Variants in SNAP91 observed in about 807,000 individuals in gnomAD.
SNAP91 encodes synaptosome associated protein 91.
SNAP91 carries 27 observed loss-of-function variants against 100.3 expected under a neutral mutation model. The observed-to-expected ratio is 0.27, with a 90% confidence interval of 0.20 to 0.37. The LOEUF (loss-of-function observed/expected upper bound fraction) is 0.37. Ranked by LOEUF, SNAP91 falls within the 10% of genes least tolerant of loss-of-function variation. SNAP91 has a pLI of 1.00. For missense variants in SNAP91, 986 were observed against 1,123.7 expected (o/e 0.88, Z 1.75); for synonymous variants, 404 against 398.6 (o/e 1.01, Z -0.16).
At chr6:83,668,572 T>C (rs1374832151) in intron 2 of SNAP91, among the ~76,000 whole-genome samples, 3 of 151,734 alleles carry the variant, frequency 2.0e-5, no homozygotes, top group African/African-American at 4.8e-5. Flanking sequence ...CAGCAAACTA[T>C]CGCAAGAACA....
intron 25 of SNAP91, 76 bp from the exon 26 acceptor site, chr6:83,575,197 A>C: frequency 9.9e-7 from 1 of 1,005,508 alleles, no homozygotes; most frequent in Non-Finnish European, 1.5e-6. Flanking sequence ...GGCTCCTTAG[A>C]TTATTTTATT....
chr6:83,707,746 T>TC, intron 2 of SNAP91, 52 bp downstream of exon 2: 2 of 1,604,254 alleles, frequency 1.2e-6, no homozygotes, highest in Non-Finnish European at 1.7e-6. Flanking sequence ...ACCACCAGCA[T>TC]CCCAGGCGCC....
chr6:83,588,202 A>T (rs933523020), intron 22 of SNAP91, among the ~76,000 whole-genome samples: 1 of 152,222 alleles, frequency 6.6e-6, no homozygotes, highest in Non-Finnish European at 1.5e-5. Context: ...ATATGTATAC[A>T]TTAAATTACA....
At chr6:83,700,258 C>T (rs1391753808) in intron 2 of SNAP91, among the ~76,000 whole-genome samples, 3 of 151,884 alleles carry the variant, frequency 2.0e-5, no homozygotes, top group Non-Finnish European at 4.4e-5. Flanking sequence ...ATATGCCTTC[C>T]AAACTACAGA....
At chr6:83,619,372 T>C (rs938650020) in intron 9 of SNAP91, among the ~76,000 whole-genome samples, 7 of 152,238 alleles carry the variant, frequency 4.6e-5, no homozygotes, top group Non-Finnish European at 7.4e-5. Flanking sequence ...ACTGCATCTA[T>C]GGCAGTGAGG....
intron 22 of SNAP91, among the ~76,000 whole-genome samples, chr6:83,590,457 T>A (rs1396773959): frequency 6.6e-6 from 1 of 152,028 alleles, no homozygotes; most frequent in Admixed American, 6.6e-5. Context: ...CAAGCAGTAA[T>A]CCAAGGCAAA....
chr6:83,645,251 T>C (rs543546493), intron 7 of SNAP91, among the ~76,000 whole-genome samples: 1 of 152,180 alleles, frequency 6.6e-6, no homozygotes, highest in Non-Finnish European at 1.5e-5. Context: ...CCTGACTTTT[T>C]TTTTTTTAGA....
chr6:83,661,010 G>A (rs544411779), intron 5 of SNAP91, among the ~76,000 whole-genome samples: 4 of 151,922 alleles, frequency 2.6e-5, no homozygotes, highest in African/African-American at 7.2e-5. Flanking sequence ...TAACTCCTAC[G>A]TTGCCCAGGC....
rs1053129756 is a variant in SNAP91, at chr6:83,662,342, C to T, written c.349+5G>A. The T allele has an allele frequency of 1.5e-6, 2 of 1,365,686 alleles. No individual in the cohort carries two copies. Among genetic ancestry groups the T allele is most frequent in the Non-Finnish European group, 1.9e-6 (2 of 1,027,768 alleles). The allele number at this position is 1,365,686 out of a possible 1,614,324, so 84.6% of individuals were successfully genotyped here. On this transcript the variant is annotated splice_donor_5th_base_variant and intron_variant, in intron 4 of 29. Coordinates refer to ENST00000369694, the MANE Select transcript of SNAP91 (RefSeq NM_001242792.2). The stretch of plus-strand genomic sequence containing the variant: ...CAAAAAATTATAAAATACAAATATT[C>T]TCACCATGGGATCCACTTTTGTCCA...
chr6:83,570,999 C>T (rs1448354189), intron 26 of SNAP91, among the ~76,000 whole-genome samples: 1 of 152,092 alleles, frequency 6.6e-6, no homozygotes, highest in Non-Finnish European at 1.5e-5. Flanking sequence ...ACACCATGGT[C>T]CTGGAAAAGC....
At chr6:83,567,439 G>A (rs999376725) in intron 26 of SNAP91, among the ~76,000 whole-genome samples, 8 of 152,084 alleles carry the variant, frequency 5.3e-5, no homozygotes, top group African/African-American at 1.4e-4. Context: ...ACATAGGCAT[G>A]GGCAAGGACT....
intron 2 of SNAP91, among the ~76,000 whole-genome samples, chr6:83,673,206 C>T (rs1358437860): frequency 2.0e-5 from 3 of 152,006 alleles, no homozygotes; most frequent in African/African-American, 4.8e-5. Flanking sequence ...ATATTTGTGT[C>T]CCCTCAGCCA....
chr6:83,625,324 T>G (rs1253237377), intron 8 of SNAP91, among the ~76,000 whole-genome samples: 3 of 152,182 alleles, frequency 2.0e-5, no homozygotes, highest in African/African-American at 7.2e-5. Context: ...ATGTCTTTGC[T>G]ATTTGAATAG....
intron 28 of SNAP91, among the ~76,000 whole-genome samples, chr6:83,559,688 A>G (rs1278792614): frequency 8.6e-6 from 1 of 115,882 alleles, no homozygotes; most frequent in Non-Finnish European, 2.0e-5. Flanking sequence ...CAGACTTTGC[A>G]GTTTGGCAAA....
chr6:83,672,065 A>G (rs908105791), intron 2 of SNAP91, among the ~76,000 whole-genome samples: 1 of 152,148 alleles, frequency 6.6e-6, no homozygotes. Flanking sequence ...TTTATACCTT[A>G]TATTTTGAGT....
intron 8 of SNAP91, among the ~76,000 whole-genome samples, chr6:83,632,273 G>A (rs371897230): frequency 5.9e-5 from 9 of 152,040 alleles, no homozygotes; most frequent in South Asian, 2.1e-4. Context: ...AACTATAAAC[G>A]TTTTCCTTTA....
At position 83,665,532 on chromosome 6, in the gene SNAP91, G is replaced by A. The variant is rs372957792; in HGVS notation, c.180C>T (p.Ala60=). The A allele has an allele frequency of 4.5e-5, 73 of 1,612,370 alleles. 1 individual carries two copies. The African/African-American group carries it at 6.5e-4, about 14-fold the overall frequency. The change falls in exon 3 of 30, where the codon GCC becomes GCT. Residue 60 remains alanine (A), a synonymous_variant. Coordinates refer to ENST00000369694, the MANE Select transcript of SNAP91 (RefSeq NM_001242792.2). ...TTGTTGCCCGCTCAAAGAGAGTGTC[G>A]GCCATCTGAGGAATATTAACATTGG... ...NETNVNIPQM[A]DTLFERATNS...
chr6:83,699,890 A>G (rs1425919444), intron 2 of SNAP91, among the ~76,000 whole-genome samples: 1 of 152,240 alleles, frequency 6.6e-6, no homozygotes, highest in African/African-American at 2.4e-5. Flanking sequence ...AATAACTGTC[A>G]TTCTAGAATC....
At chr6:83,613,911 A>G (rs1354039060) in intron 11 of SNAP91, among the ~76,000 whole-genome samples, 1 of 152,216 alleles carries the variant, frequency 6.6e-6, no homozygotes, top group Non-Finnish European at 1.5e-5. Flanking sequence ...ACCATGTTGG[A>G]AAAACAAGGC....
Sources: gnomAD v4.1 joint callset for allele counts (sites outside exome capture counted in the v4.1 genomes callset) on GRCh38, gnomAD v4.1.1 for gene constraint, MANE v1.5 for transcripts, NCBI Gene and HGNC (gene_info 2026-07-23, HGNC 2026-07-21) for gene names.